The following ARL15 variants were observed in gnomAD, a reference collection of about 807,000 sequenced individuals.
ARL15 encodes the protein ARF like GTPase 15, also known as ADP-ribosylation factor-like protein 15.
ARL15 carries 19 observed loss-of-function variants against 25.2 expected under a neutral mutation model. The ratio of observed to expected loss-of-function variants is 0.75; its 90% CI spans 0.53 to 1.10. ARL15 has a LOEUF of 1.10. ARL15 is among the 50% of genes least tolerant of loss of function. The pLI, the probability that ARL15 is intolerant of heterozygous loss-of-function variation, is 0.00. For missense variants in ARL15, 220 were observed against 246.0 expected, an observed-to-expected ratio of 0.89 and a Z score of 0.71; for synonymous variants, 94 against 86.8, an observed-to-expected ratio of 1.08 and a Z score of -0.46.
chr5:54,194,907 T>C (rs1345815), intron 1 of ARL15, among the ~76,000 whole-genome samples: 100,344 of 152,004 alleles, frequency 0.66, 33,744 homozygotes, highest in African/African-American at 0.76. Context: ...CTTCTAGTCA[T>C]GCTCCTTCAA....
At chr5:53,910,223 C>G (rs1160146003) in intron 4 of ARL15, among the ~76,000 whole-genome samples, 1 of 152,158 alleles carries the variant, frequency 6.6e-6, no homozygotes, top group East Asian at 1.9e-4. Context: ...CAACTCCCTG[C>G]TCTTTATCAG....
chr5:54,207,150 G>C (rs1412354304), intron 1 of ARL15, among the ~76,000 whole-genome samples: 6 of 152,298 alleles, frequency 3.9e-5, no homozygotes, highest in Admixed American at 3.9e-4. Context: ...CTATACAAAA[G>C]GGACACAGAA....
chr5:54,140,449 T>C (rs1262103930), intron 3 of ARL15, among the ~76,000 whole-genome samples: 4 of 138,316 alleles, frequency 2.9e-5, no homozygotes, highest in Non-Finnish European at 6.5e-5. Context: ...GATAGATAGA[T>C]AGATAGATAG....
At chr5:53,955,307 A>G (rs998046022) in intron 4 of ARL15, among the ~76,000 whole-genome samples, 1 of 152,120 alleles carries the variant, frequency 6.6e-6, no homozygotes, top group Non-Finnish European at 1.5e-5. Context: ...AGTCAGATTT[A>G]CCATTTCTTC....
intron 1 of ARL15, among the ~76,000 whole-genome samples, chr5:54,289,286 T>C (rs1342886395): frequency 2.0e-5 from 3 of 151,872 alleles, no homozygotes; most frequent in Non-Finnish European, 4.4e-5. Flanking sequence ...CCTGCTCTTA[T>C]GGAGCCTACA....
intron 4 of ARL15, among the ~76,000 whole-genome samples, chr5:54,096,134 T>C (rs1752280261): frequency 6.6e-6 from 1 of 152,210 alleles, no homozygotes; most frequent in Non-Finnish European, 1.5e-5. Flanking sequence ...CCTGATACAA[T>C]GTATGTGAAA....
At chr5:54,060,153 C>A (rs1033372983) in intron 4 of ARL15, among the ~76,000 whole-genome samples, 8 of 117,386 alleles carry the variant, frequency 6.8e-5, no homozygotes, top group African/African-American at 1.2e-4. Flanking sequence ...AAAAAAAAAA[C>A]CCCGGGTGCG....
intron 4 of ARL15, among the ~76,000 whole-genome samples, chr5:53,946,455 G>GAAAAAAAAAAAA (rs55727717): frequency 2.0e-3 from 89 of 43,822 alleles, no homozygotes; most frequent in East Asian, 4.0e-3. Flanking sequence ...GTCTCAAGAG[G>GAAAAAAAAAAAA]AAAAAAAAAA....
chr5:54,198,145 T>G (rs1270477752), intron 1 of ARL15, among the ~76,000 whole-genome samples: 1 of 152,162 alleles, frequency 6.6e-6, no homozygotes. Context: ...GGGACTTATC[T>G]CAAAATAATA....
At chr5:54,073,153 T>A (rs761390432) in intron 4 of ARL15, among the ~76,000 whole-genome samples, 3 of 152,232 alleles carry the variant, frequency 2.0e-5, no homozygotes, top group African/African-American at 7.2e-5. Flanking sequence ...TAGAACGACA[T>A]GTCAGTGCAC....
intron 1 of ARL15, among the ~76,000 whole-genome samples, chr5:54,179,711 T>C (rs950104300): frequency 6.6e-6 from 1 of 152,072 alleles, no homozygotes; most frequent in African/African-American, 2.4e-5. Flanking sequence ...CTGGAAAGGA[T>C]AAAACTTATG....
At chr5:53,924,776 A>G (rs2112029242) in intron 4 of ARL15, among the ~76,000 whole-genome samples, 1 of 152,330 alleles carries the variant, frequency 6.6e-6, no homozygotes, top group East Asian at 1.9e-4. Flanking sequence ...AGGAGGAGGT[A>G]TATACATTCA....
intron 3 of ARL15, among the ~76,000 whole-genome samples, chr5:54,114,406 G>GAAAAAAAAAAAAAAAAAAAAAA (rs1171369744): frequency 1.3e-5 from 1 of 74,478 alleles, no homozygotes; most frequent in Non-Finnish European, 2.3e-5. Flanking sequence ...TCCATCTCAA[G>GAAAAAAAAAAAAAAAAAAAAAA]AAAAAAAAAA....
At chr5:54,248,175 A>G (rs1309041729) in intron 1 of ARL15, among the ~76,000 whole-genome samples, 1 of 152,136 alleles carries the variant, frequency 6.6e-6, no homozygotes. Context: ...CAACCCCCAG[A>G]GTGATGGTTT....
intron 4 of ARL15, among the ~76,000 whole-genome samples, chr5:53,917,853 C>CAGGAAT (rs3839231): frequency 0.29 from 43,939 of 151,738 alleles, 6,644 homozygotes; most frequent in African/African-American, 0.34. Context: ...ATGAGTCTGC[C>CAGGAAT]AGGAATACAC....
intron 1 of ARL15, among the ~76,000 whole-genome samples, chr5:54,221,422 A>C (rs760676344): frequency 1.3e-5 from 2 of 152,224 alleles, no homozygotes. Flanking sequence ...TAAATGAAAC[A>C]CAAACTCCAA....
chr5:54,140,312 A>G (rs1753731147), intron 3 of ARL15, among the ~76,000 whole-genome samples: 1 of 151,824 alleles, frequency 6.6e-6, no homozygotes, highest in Admixed American at 6.6e-5. Flanking sequence ...TGAAGTATGA[A>G]TTGTTTATTA....
intron 4 of ARL15, among the ~76,000 whole-genome samples, chr5:54,010,830 T>C (rs1749213754): frequency 1.3e-5 from 2 of 151,952 alleles, no homozygotes; most frequent in Admixed American, 1.3e-4. Context: ...AAACCCCGTC[T>C]CTACTGAAAA....
At chr5:53,891,281 G>C (rs1043500526) in intron 4 of ARL15, among the ~76,000 whole-genome samples, 5 of 152,182 alleles carry the variant, frequency 3.3e-5, no homozygotes, top group African/African-American at 1.2e-4. Context: ...GTTTGTGTGT[G>C]AAAGAGAGTC....
Sources: allele counts gnomAD v4.1 joint callset (sites outside exome capture counted in the v4.1 genomes callset), GRCh38; gene constraint gnomAD v4.1.1; transcripts MANE v1.5; gene names NCBI Gene and HGNC (gene_info 2026-07-23, HGNC 2026-07-21).